Variants in FASTKD1 observed in about 807,000 individuals in gnomAD.
FASTKD1 encodes FAST kinase domain-containing protein 1, mitochondrial.
Under a neutral mutation model 90.9 loss-of-function variants are expected in FASTKD1, and 94 were observed. That is an observed-to-expected ratio of 1.03 (90% CI 0.88 to 1.23). The LOEUF (loss-of-function observed/expected upper bound fraction) is 1.23. Among genes scored for constraint, FASTKD1 ranks in the 50% most tolerant of loss-of-function variants. The probability of loss-of-function intolerance (pLI) is 0.00; values close to 1 mark genes in which losing one functional copy is unlikely to be tolerated. For synonymous variants in FASTKD1, 319 were observed against 345.8 expected (o/e 0.92, Z 0.86); for missense variants, 945 against 993.5 (o/e 0.95, Z 0.66).
At position 169,550,493 on chromosome 2, in the gene FASTKD1, TTTAGAGATAGGGTCTCAC is replaced by T. The variant is rs1254171877; in HGVS notation, c.1215-3807_1215-3790del. On this transcript the variant is annotated intron_variant, in intron 7 of 14. Transcript: ENST00000453153. ...TATATTTTTTTCCTTTCTTTTCTTT[TTTAGAGATAGGGTCTCAC>T]TCTATAGCCCAGGCTGGAGTGCTGT... is the stretch of plus-strand genomic sequence containing the variant. Among the ~76,000 whole-genome samples the T allele has an allele frequency of 3.3e-5, 5 of 152,188 alleles. No individual in the cohort carries two copies. The East Asian group carries it at 9.6e-4, about 29-fold the overall frequency.
chr2:169,573,146 C>T (rs937760163), intron 1 of FASTKD1: 12 of 151,818 alleles, frequency 7.9e-5, no homozygotes, highest in Admixed American at 5.3e-4. Flanking sequence ...AACGCTGTAT[C>T]ACTAAATTCA....
At position 169,550,582 on chromosome 2, in the gene FASTKD1, G is replaced by A. The variant is rs192792510; in HGVS notation, c.1215-3878C>T. ...TAAGCTTGAGGTCCTGGGCTCAAGTGATCCTCCCGCCTCAGCCTCCTGAGT... is the reference window on the plus strand; with the variant it reads ...TAAGCTTGAGGTCCTGGGCTCAAGTAATCCTCCCGCCTCAGCCTCCTGAGT... On this transcript the variant is annotated intron_variant, in intron 7 of 14. Transcript: ENST00000453153. Among the ~76,000 whole-genome samples, 4 of 152,168 alleles carry A rather than the reference G, an allele frequency of 2.6e-5. No homozygotes were observed. In the East Asian group the frequency reaches 7.7e-4, roughly 29 times the overall value.
intron 9 of FASTKD1, among the ~76,000 whole-genome samples, chr2:169,542,216 G>A (rs1173010166): frequency 6.6e-6 from 1 of 152,126 alleles, no homozygotes; most frequent in Non-Finnish European, 1.5e-5. Flanking sequence ...GATCATGGTA[G>A]TTTATCTGTT....
At chr2:169,536,070 C>G (rs975885324) in intron 12 of FASTKD1, among the ~76,000 whole-genome samples, 1 of 151,670 alleles carries the variant, frequency 6.6e-6, no homozygotes, top group African/African-American at 2.4e-5. Flanking sequence ...CGCTTGAGCC[C>G]AGGAGTTTGA....
At chr2:169,539,349 C>A (rs1351539119) in intron 10 of FASTKD1, among the ~76,000 whole-genome samples, 1 of 152,090 alleles carries the variant, frequency 6.6e-6, no homozygotes, top group Non-Finnish European at 1.5e-5. Context: ...GTGGCTCATG[C>A]CTGTAATCCC....
At chr2:169,572,911 T>A (rs1345191593) in intron 1 of FASTKD1, 1 of 152,242 alleles carries the variant, frequency 6.6e-6, no homozygotes, top group African/African-American at 2.4e-5. Flanking sequence ...GGGACTAAAG[T>A]CATATAATCT....
intron 2 of FASTKD1, among the ~76,000 whole-genome samples, chr2:169,569,541 AT>A (rs1363650013): frequency 1.3e-5 from 2 of 152,200 alleles, no homozygotes; most frequent in East Asian, 3.8e-4. Context: ...TACATATAAT[AT>A]GTCTTTGTTC....
At chr2:169,552,137 T>A (rs1339291635) in intron 7 of FASTKD1, among the ~76,000 whole-genome samples, 1 of 152,144 alleles carries the variant, frequency 6.6e-6, no homozygotes, top group East Asian at 1.9e-4. Context: ...AAACATGAAG[T>A]GCCTATGATT....
At chr2:169,553,897 G>A (rs542128866) in intron 7 of FASTKD1, among the ~76,000 whole-genome samples, 1 of 152,042 alleles carries the variant, frequency 6.6e-6, no homozygotes, top group South Asian at 2.1e-4. Context: ...ACTCCAGCCT[G>A]GGCGACAGAG....
In FASTKD1 at chr2:169,545,533, T is replaced by C. The variant is rs1419576929; in HGVS notation, c.1701+685A>G. On this transcript the variant is annotated intron_variant, in intron 8 of 14. Transcript: ENST00000453153. ...AGGCCTTGCCCTGATATATTTATGATAGTGATTTTGTAAGTGAGCTGCTTC... is the reference window on the plus strand; with the variant it reads ...AGGCCTTGCCCTGATATATTTATGACAGTGATTTTGTAAGTGAGCTGCTTC... 2.6e-5 allele frequency among the ~76,000 whole-genome samples: 4 copies of C among 152,360 alleles called. No individual in the cohort carries two copies. The East Asian group carries it at 5.8e-4, about 22-fold the overall frequency.
intron 3 of FASTKD1, 31 bp from the exon 4 acceptor site, chr2:169,563,381 T>C (rs373979660): frequency 4.1e-6 from 6 of 1,465,196 alleles, no homozygotes; most frequent in East Asian, 2.3e-5. Context: ...AGGAGAACAT[T>C]AGTATTTACT....
chr2:169,557,059 C>T (rs1683352812), intron 6 of FASTKD1, 128 bp downstream of exon 6: 2 of 659,800 alleles, frequency 3.0e-6, no homozygotes, highest in Admixed American at 5.4e-5. Flanking sequence ...TAAACAGTGG[C>T]TTAAGCATTA....
At chr2:169,548,332 A>C (rs1448326746) in intron 7 of FASTKD1, among the ~76,000 whole-genome samples, 1 of 151,958 alleles carries the variant, frequency 6.6e-6, no homozygotes, top group Non-Finnish European at 1.5e-5. Flanking sequence ...ACAAACAACA[A>C]CAAAAGAAAC....
At chr2:169,562,104 T>C (rs184742273) in intron 4 of FASTKD1, among the ~76,000 whole-genome samples, 5,463 of 124,512 alleles carry the variant, frequency 0.044, 2,162 homozygotes, top group East Asian at 0.18. Context: ...GTAAAATAAT[T>C]ATTTATTAAT....
In FASTKD1 at chr2:169,534,977, A is replaced by AT. The variant is rs952917943; in HGVS notation, c.2188+2249dup. On this transcript the variant is annotated intron_variant, in intron 12 of 14. Coordinates refer to ENST00000453153, the MANE Select transcript of FASTKD1 (RefSeq NM_024622.6). Reference sequence around the variant, plus strand: ...TTCTATGTTAAGCATGTCTCATGTAATTTTTTTTTAAGAGATGGGGTTATA... The same window carrying AT: ...TTCTATGTTAAGCATGTCTCATGTAATTTTTTTTTTAAGAGATGGGGTTATA... Among the ~76,000 whole-genome samples the AT allele has an allele frequency of 8.0e-5, 12 of 150,280 alleles. 1 individual carries two copies. Among genetic ancestry groups the AT allele is most frequent in the South Asian group, 4.2e-4 (2 of 4,754 alleles).
chr2:169,534,470 T>C (rs561401612), intron 12 of FASTKD1, among the ~76,000 whole-genome samples: 4 of 149,016 alleles, frequency 2.7e-5, no homozygotes, highest in South Asian at 2.1e-4. Flanking sequence ...TTTCTTTTTT[T>C]TTTTTTTTTG....
At chr2:169,555,087 A>C (rs746138344) in intron 7 of FASTKD1, 37 bp downstream of exon 7, 49 of 1,582,994 alleles carry the variant, frequency 3.1e-5, no homozygotes, top group Non-Finnish European at 4.0e-5. Context: ...GTGGCTAGAA[A>C]ATGAAACACT....
At chr2:169,552,357 C>G (rs1438511167) in intron 7 of FASTKD1, among the ~76,000 whole-genome samples, 1 of 152,172 alleles carries the variant, frequency 6.6e-6, no homozygotes, top group African/African-American at 2.4e-5. Flanking sequence ...TCTTATTTTT[C>G]TGTTAACATA....
rs182995623 is a variant in FASTKD1, at chr2:169,564,006, T to C, written c.447-656A>G. Among the ~76,000 whole-genome samples, 304 of 152,226 alleles carry C rather than the reference T, an allele frequency of 2.0e-3. 1 individual carries two copies. Among genetic ancestry groups the C allele is most frequent in the African/African-American group, 6.7e-3 (279 of 41,534 alleles). On this transcript the variant is annotated intron_variant, in intron 3 of 14. Transcript: ENST00000453153. ...TTATGGTGTTAGAGGTCAAGATCCTTTTTGGGTGAGAGGACTAGAAGAGAA... is the reference window on the plus strand; with the variant it reads ...TTATGGTGTTAGAGGTCAAGATCCTCTTTGGGTGAGAGGACTAGAAGAGAA...
Sources: allele counts gnomAD v4.1 joint callset (sites outside exome capture counted in the v4.1 genomes callset), GRCh38; gene constraint gnomAD v4.1.1; transcripts MANE v1.5; gene names NCBI Gene and HGNC (gene_info 2026-07-23, HGNC 2026-07-21).